LPP: variants seen among roughly 807,000 people sequenced by gnomAD.
The protein encoded by LPP is LIM domain containing preferred translocation partner in lipoma.
A neutral mutation model predicts 60.4 loss-of-function variants in LPP; 38 were observed. That is an observed-to-expected ratio of 0.63 (90% CI 0.49 to 0.83). The LOEUF (loss-of-function observed/expected upper bound fraction) is 0.83, where lower values mean the gene tolerates loss of function less well. Among genes scored for constraint, LPP ranks in the 40% least tolerant of loss-of-function variants. LPP has a pLI of 0.00. For missense variants in LPP, 902 were observed against 783.6 expected (o/e 1.15, Z -1.80); for synonymous variants, 328 against 290.8 (o/e 1.13, Z -1.30).
chr3:188,494,629 G>A (rs1212913955), intron 5 of LPP, among the ~76,000 whole-genome samples: 1 of 151,846 alleles, frequency 6.6e-6, no homozygotes, highest in Non-Finnish European at 1.5e-5. Flanking sequence ...AACTCACTTT[G>A]CTGCCTGTGA....
intron 7 of LPP, among the ~76,000 whole-genome samples, chr3:188,622,792 G>A (rs1846035829): frequency 6.6e-6 from 1 of 152,088 alleles, no homozygotes; most frequent in Non-Finnish European, 1.5e-5. Flanking sequence ...CACTTTGGGA[G>A]ACCGAGGCAG....
In LPP at chr3:188,497,832, C is replaced by T. The variant is rs1365249607; in HGVS notation, c.306+13128C>T. Among the ~76,000 whole-genome samples the T allele has an allele frequency of 2.0e-5, 3 of 152,260 alleles. No homozygotes were observed. In the East Asian group the frequency reaches 5.8e-4, roughly 29 times the overall value. On this transcript the variant is annotated intron_variant, in intron 5 of 11. Transcript: ENST00000617246. ...TCCTTTTAGCTCATTGAAAGTCATA[C>T]AGTGTCACTTTAGTAATTCTCTTCT... is the stretch of plus-strand genomic sequence containing the variant.
At chr3:188,652,740 A>T (rs1455108008) in intron 7 of LPP, among the ~76,000 whole-genome samples, 1 of 152,124 alleles carries the variant, frequency 6.6e-6, no homozygotes, top group Non-Finnish European at 1.5e-5. Context: ...GCCTTTAAGA[A>T]ATAATAATTA....
At chr3:188,269,627 G>T (rs563150558) in intron 2 of LPP, among the ~76,000 whole-genome samples, 208 of 99,120 alleles carry the variant, frequency 2.1e-3, no homozygotes, top group African/African-American at 7.1e-3. Flanking sequence ...TTGGCTAGCT[G>T]GTTGTGCCTT....
chr3:188,195,111 T>A (rs1346722250), intron 1 of LPP, among the ~76,000 whole-genome samples: 1 of 152,062 alleles, frequency 6.6e-6, no homozygotes, highest in African/African-American at 2.4e-5. Flanking sequence ...GTACAAAAAT[T>A]AGCTGGGCGT....
At chr3:188,600,842 TCTTCAAG>T (rs1165926648) in intron 6 of LPP, among the ~76,000 whole-genome samples, 1 of 152,144 alleles carries the variant, frequency 6.6e-6, no homozygotes, top group Non-Finnish European at 1.5e-5. Flanking sequence ...CTGGCTTGTT[TCTTCAAG>T]CTTCAAGCTT....
chr3:188,732,716 CAAAAAAAA>C (rs1167795146), intron 8 of LPP, among the ~76,000 whole-genome samples: 2 of 74,352 alleles, frequency 2.7e-5, no homozygotes, highest in Non-Finnish European at 2.4e-5. Flanking sequence ...AGACTCTTAT[CAAAAAAAA>C]AAAAAAAAAA....
At chr3:188,691,975 A>T (rs1862217639) in intron 7 of LPP, among the ~76,000 whole-genome samples, 3 of 145,868 alleles carry the variant, frequency 2.1e-5, no homozygotes, top group Non-Finnish European at 4.5e-5. Flanking sequence ...GACAGCACAT[A>T]AAAAAAAAAC....
intron 9 of LPP, among the ~76,000 whole-genome samples, chr3:188,803,504 T>C (rs1235846571): frequency 6.6e-6 from 1 of 152,222 alleles, no homozygotes; most frequent in African/African-American, 2.4e-5. Flanking sequence ...TGATCAAATT[T>C]TGAGTAAAGG....
At chr3:188,665,177 A>T (rs1267809724) in intron 7 of LPP, among the ~76,000 whole-genome samples, 1 of 152,158 alleles carries the variant, frequency 6.6e-6, no homozygotes, top group South Asian at 2.1e-4. Flanking sequence ...ATTATAATGA[A>T]ATTGAATGTT....
chr3:188,485,606 G>A (rs1166329655), intron 5 of LPP, among the ~76,000 whole-genome samples: 1 of 151,326 alleles, frequency 6.6e-6, no homozygotes, highest in Non-Finnish European at 1.5e-5. Flanking sequence ...GACCATCCCG[G>A]CTAAAACGGT....
chr3:188,876,921 C>T lies in LPP; in HGVS notation c.*2442C>T, dbSNP rs1200671119. On this transcript the variant is annotated 3_prime_UTR_variant, in exon 12 of 12. Transcript: ENST00000617246. ...TCGTCAGCAGAATACTGCTTGCTTA[C>T]AATCTTTATTATGCATTCTTATAAC... is the stretch of plus-strand genomic sequence containing the variant. The T allele has an allele frequency of 1.1e-5, 2 of 180,866 alleles. No homozygotes were observed. Among genetic ancestry groups the T allele is most frequent in the Non-Finnish European group, 2.4e-5 (2 of 84,424 alleles). 11.2% of individuals were successfully genotyped at this position (180,866 alleles called of 1,614,324 possible).
chr3:188,442,628 T>G (rs1044494291), intron 4 of LPP, among the ~76,000 whole-genome samples: 3 of 152,214 alleles, frequency 2.0e-5, no homozygotes, highest in African/African-American at 7.2e-5. Flanking sequence ...TGAAGCCAAC[T>G]GAGGTGTGAC....
At chr3:188,828,059 A>T (rs1478321739) in intron 9 of LPP, among the ~76,000 whole-genome samples, 4 of 152,194 alleles carry the variant, frequency 2.6e-5, no homozygotes, top group African/African-American at 9.7e-5. Flanking sequence ...AGCAAATATT[A>T]TTGAGCACAT....
At chr3:188,776,056 C>A (rs193267532) in intron 9 of LPP, among the ~76,000 whole-genome samples, 5 of 152,352 alleles carry the variant, frequency 3.3e-5, no homozygotes, top group Admixed American at 2.0e-4. Flanking sequence ...CCGTGCTATG[C>A]GGAATACAGC....
chr3:188,611,266 A>C (rs1319614140), intron 7 of LPP, among the ~76,000 whole-genome samples: 2 of 152,206 alleles, frequency 1.3e-5, no homozygotes, highest in Non-Finnish European at 2.9e-5. Context: ...TTAGAATTTT[A>C]AATGATTTTA....
intron 5 of LPP, among the ~76,000 whole-genome samples, chr3:188,485,796 CAAAAAA>C (rs766522013): frequency 5.0e-5 from 2 of 40,156 alleles, no homozygotes; most frequent in Non-Finnish European, 8.5e-5. Flanking sequence ...GACTCCGTCT[CAAAAAA>C]AAAAAAAAAA....
intron 2 of LPP, chr3:188,247,228 A>G (rs1727280295): frequency 1.0e-6 from 1 of 960,266 alleles, no homozygotes; most frequent in South Asian, 4.8e-5. Flanking sequence ...TACAACTCAC[A>G]CCCAAAGTCT....
At chr3:188,557,905 G>T (rs2150613799) in intron 6 of LPP, among the ~76,000 whole-genome samples, 1 of 152,196 alleles carries the variant, frequency 6.6e-6, no homozygotes, top group East Asian at 1.9e-4. Flanking sequence ...CATCAAGCAG[G>T]TAAAGAGAAG....
Sources: allele counts gnomAD v4.1 joint callset (sites outside exome capture counted in the v4.1 genomes callset), GRCh38; gene constraint gnomAD v4.1.1; transcripts MANE v1.5; gene names NCBI Gene and HGNC (gene_info 2026-07-23, HGNC 2026-07-21).